KCNN3: variants seen among roughly 807,000 people sequenced by gnomAD.
KCNN3 encodes the protein potassium calcium-activated channel subfamily N member 3, also known as small conductance calcium-activated potassium channel protein 3.
In KCNN3, 16 loss-of-function variants were observed where a neutral mutation model predicts 62.9. The observed-to-expected ratio is 0.25, with a 90% CI of 0.17 to 0.39. The LOEUF is 0.39. Ranked by LOEUF, KCNN3 falls within the 10% of genes least tolerant of loss-of-function variation. The pLI is 1.00. For synonymous variants in KCNN3, 370 were observed against 389.2 expected, an observed-to-expected ratio of 0.95 and a Z score of 0.58; for missense variants, 599 against 949.4, an observed-to-expected ratio of 0.63 and a Z score of 4.85.
intron 7 of KCNN3, among the ~76,000 whole-genome samples, chr1:154,711,953 A>G (rs1700085571): frequency 6.6e-6 from 1 of 151,724 alleles, no homozygotes; most frequent in African/African-American, 2.4e-5. Flanking sequence ...AGAGAGAGAC[A>G]GGGAAAGGGA....
intron 1 of KCNN3, among the ~76,000 whole-genome samples, chr1:154,853,570 C>T (rs11800262): frequency 8.5e-5 from 13 of 152,166 alleles, no homozygotes; most frequent in Admixed American, 7.2e-4. Flanking sequence ...TGAGCTCAAG[C>T]GATCCTCCTG....
At chr1:154,731,450 C>T (rs1557946644) in intron 4 of KCNN3, among the ~76,000 whole-genome samples, 3 of 152,238 alleles carry the variant, frequency 2.0e-5, no homozygotes, top group Non-Finnish European at 4.4e-5. Flanking sequence ...CCCTCCTGCT[C>T]AGCAGGCTGA....
At chr1:154,733,676 C>A (rs778469854) in intron 3 of KCNN3, among the ~76,000 whole-genome samples, 32 of 152,284 alleles carry the variant, frequency 2.1e-4, no homozygotes, top group Admixed American at 1.2e-3. Flanking sequence ...GGAGCTGTCT[C>A]TAGAGGGGGC....
At chr1:154,845,030 A>T (rs759288669) in intron 1 of KCNN3, among the ~76,000 whole-genome samples, 1 of 152,026 alleles carries the variant, frequency 6.6e-6, no homozygotes, top group Non-Finnish European at 1.5e-5. Context: ...AGAGAGAGAA[A>T]AAAAACTGGG....
intron 1 of KCNN3, among the ~76,000 whole-genome samples, chr1:154,827,182 AT>A (rs1651171909): frequency 6.6e-6 from 1 of 152,174 alleles, no homozygotes; most frequent in Non-Finnish European, 1.5e-5. Context: ...TTTTCCTTCA[AT>A]TTCATGGAGA....
Position 154,862,481 on chromosome 1 carries a change from G to T in KCNN3, c.933+6551C>A, listed in dbSNP as rs538769601. On this transcript the variant is annotated intron_variant, in intron 1 of 7. Transcript: ENST00000271915. The surrounding 1 kb of genome is among the most constrained non-coding windows in gnomAD (Gnocchi z 4.1). ...GTTATGTATGGACATGTCCAGTCAG[G>T]TCTAGGGGTCCTGCTGGCCCTCCAG... Among the ~76,000 whole-genome samples, 1 of 152,156 alleles carries T rather than the reference G, an allele frequency of 6.6e-6. No homozygotes were observed. The highest frequency in any genetic ancestry group is 2.4e-5 in the African/African-American group (1 of 41,426).
Position 154,861,017 on chromosome 1 carries a change from C to T in KCNN3, c.933+8015G>A, listed in dbSNP as rs896663318. On this transcript the variant is annotated intron_variant, in intron 1 of 7. Transcript: ENST00000271915. ...TTGCCCAGGCTGGAGTGCAGTGGCG[C>T]GATCTCGGCTCACTGCAACCTCCGC... 9.2e-5 allele frequency among the ~76,000 whole-genome samples: 13 copies of T among 141,280 alleles called. No individual in the cohort carries two copies. The South Asian group carries it at 2.0e-3, about 21-fold the overall frequency. The allele number at this position is 141,280 out of a possible 152,430, so 92.7% of individuals were successfully genotyped here.
chr1:154,728,998 T>G (rs1700533632), intron 4 of KCNN3, among the ~76,000 whole-genome samples: 1 of 152,168 alleles, frequency 6.6e-6, no homozygotes, highest in Non-Finnish European at 1.5e-5. Flanking sequence ...CTGGGCCCTT[T>G]CACTTAGGTG....
chr1:154,727,926 A>C (rs577293457), intron 4 of KCNN3, among the ~76,000 whole-genome samples: 1 of 152,352 alleles, frequency 6.6e-6, no homozygotes, highest in Non-Finnish European at 1.5e-5. Flanking sequence ...GCTATATCAT[A>C]GCGTTAAAAA....
At chr1:154,711,142 A>G (rs1571199803) in intron 7 of KCNN3, among the ~76,000 whole-genome samples, 1 of 151,904 alleles carries the variant, frequency 6.6e-6, no homozygotes, top group African/African-American at 2.4e-5. Context: ...GCACATATAC[A>G]CCATGGAATA....
rs553793699 is a variant in KCNN3, at chr1:154,774,774, G to C, written c.1030-2381C>G. ...AGCTGGTTATGATTGCCTTTAAGGA[G>C]GAGCTAGCAGGGTCCTGTGGCCTAA... On this transcript the variant is annotated intron_variant, in intron 2 of 7. Coordinates refer to ENST00000271915, the MANE Select transcript of KCNN3 (RefSeq NM_002249.6). 3.3e-5 allele frequency among the ~76,000 whole-genome samples: 5 copies of C among 152,248 alleles called. No individual in the cohort carries two copies. In the South Asian group the frequency reaches 1.0e-3, roughly 31 times the overall value.
intron 2 of KCNN3, among the ~76,000 whole-genome samples, chr1:154,774,842 C>CT (rs1353589302): frequency 6.6e-6 from 1 of 152,246 alleles, no homozygotes; most frequent in African/African-American, 2.4e-5. Flanking sequence ...CACCTCCTGG[C>CT]TGGGAGAGCA....
At chr1:154,773,597 T>A (rs758526293) in intron 2 of KCNN3, among the ~76,000 whole-genome samples, 2 of 152,178 alleles carry the variant, frequency 1.3e-5, no homozygotes, top group African/African-American at 4.8e-5. Flanking sequence ...TTGAGTTATA[T>A]TGCAGGACAC....
chr1:154,728,216 T>C (rs116341466), intron 4 of KCNN3, among the ~76,000 whole-genome samples: 1,579 of 151,528 alleles, frequency 0.01, 26 homozygotes, highest in African/African-American at 0.037. Flanking sequence ...GCTAGAGTGT[T>C]TTATCTAATG....
At chr1:154,763,936 A>T (rs1288596769) in intron 3 of KCNN3, among the ~76,000 whole-genome samples, 2 of 152,134 alleles carry the variant, frequency 1.3e-5, no homozygotes, top group Non-Finnish European at 2.9e-5. Context: ...TGTATATAGC[A>T]CTTTTATCCA....
rs77566758 is a variant in KCNN3, at chr1:154,865,312, C to T, written c.933+3720G>A. 9.3e-3 allele frequency among the ~76,000 whole-genome samples: 1,404 copies of T among 151,746 alleles called. 6 individuals are homozygous for T. Among genetic ancestry groups the T allele is most frequent in the Non-Finnish European group, 0.013 (895 of 67,948 alleles). ...TCAACAGAATCTCTAGACCAGGCCT[C>T]GTCACAATGTCTAAGACTTCAGAGA... On this transcript the variant is annotated intron_variant, in intron 1 of 7. Transcript: ENST00000271915.
At chr1:154,771,100 TA>T (rs1648539864) in intron 3 of KCNN3, among the ~76,000 whole-genome samples, 1 of 126,498 alleles carries the variant, frequency 7.9e-6, no homozygotes, top group African/African-American at 2.8e-5. Flanking sequence ...AATAAATAAA[TA>T]AATAAATAAA....
At chr1:154,859,950 T>C in intron 1 of KCNN3, 2 of 893,770 alleles carry the variant, frequency 2.2e-6, no homozygotes, top group East Asian at 5.6e-5. Context: ...ATCATTTGCA[T>C]GCTGTTCATT....
chr1:154,847,943 G>A (rs374308559), intron 1 of KCNN3, among the ~76,000 whole-genome samples: 7 of 152,198 alleles, frequency 4.6e-5, no homozygotes, highest in African/African-American at 9.7e-5. Context: ...CCCCAGCTCC[G>A]ACACGAACCC....
Sources: gnomAD v4.1 joint callset for allele counts (sites outside exome capture counted in the v4.1 genomes callset) on GRCh38, gnomAD v4.1.1 for gene constraint, Gnocchi (gnomAD v3.1) non-coding constraint, MANE v1.5 for transcripts, NCBI Gene and HGNC (gene_info 2026-07-23, HGNC 2026-07-21) for gene names.